TUT7: variants seen among roughly 807,000 people sequenced by gnomAD.
The protein encoded by TUT7 is terminal uridylyl transferase 7, also known as terminal uridylyltransferase 7.
Under a neutral mutation model 165.9 loss-of-function variants are expected in TUT7, and 33 were observed. That is an observed-to-expected ratio of 0.20 (90% CI 0.15 to 0.27). The LOEUF (loss-of-function observed/expected upper bound fraction) is 0.27. TUT7 is among the 10% of genes least tolerant of loss of function. The pLI is 1.00. For synonymous variants in TUT7, 552 were observed against 608.1 expected, an observed-to-expected ratio of 0.91 and a Z score of 1.36; for missense variants, 1,338 against 1,762.3, an observed-to-expected ratio of 0.76 and a Z score of 4.31.
intron 26 of TUT7, among the ~76,000 whole-genome samples, chr9:86,295,635 T>C (rs559193662): frequency 2.6e-5 from 4 of 152,188 alleles, no homozygotes; most frequent in Non-Finnish European, 5.9e-5. Context: ...TTTTAAAAAG[T>C]ATTTCTATTA....
chr9:86,312,903 T>C (rs1015005179), intron 17 of TUT7, among the ~76,000 whole-genome samples: 4 of 152,066 alleles, frequency 2.6e-5, no homozygotes, highest in African/African-American at 7.2e-5. Flanking sequence ...AAACAGATGC[T>C]TGAAGGCAGC....
chr9:86,305,065 G>T, intron 23 of TUT7, 118 bp from the exon 24 acceptor site: 2 of 1,177,394 alleles, frequency 1.7e-6, no homozygotes, highest in Non-Finnish European at 2.4e-6. Context: ...GGAGGCTGGG[G>T]TAGGTGGATC....
In TUT7 at chr9:86,323,575, G is replaced by C. The variant is rs1178667021; in HGVS notation, c.2175C>G (p.Asp725Glu). 9.3e-6 allele frequency: 15 copies of C among 1,614,190 alleles called. No individual in the cohort carries two copies. The highest frequency in any genetic ancestry group is 1.3e-5 in the Non-Finnish European group (15 of 1,180,034). ...CAGAGTTAACATCTGCTTGGATACA[G>C]TCTGAGTTTTCAGGGTGGACACTGA... ...EHISVHPENS[D>E]CIQADVNSDD... The change falls in exon 13 of 27, where the codon GAC becomes GAG. Residue 725 changes from aspartate to glutamate, a missense_variant. Transcript: ENST00000375963.
At chr9:86,316,543 A>G (rs1195691212) in intron 17 of TUT7, among the ~76,000 whole-genome samples, 1 of 152,242 alleles carries the variant, frequency 6.6e-6, no homozygotes, top group Non-Finnish European at 1.5e-5. Context: ...GCTTTCCTTG[A>G]CACTTCACAC....
At chr9:86,332,601 C>A (rs772906102) in intron 10 of TUT7, among the ~76,000 whole-genome samples, 1 of 152,074 alleles carries the variant, frequency 6.6e-6, no homozygotes, top group African/African-American at 2.4e-5. Flanking sequence ...TTGGGTACTA[C>A]GCTTAGTACC....
At chr9:86,325,195 TCTAA>T (rs147906740) in intron 12 of TUT7, 135 bp downstream of exon 12, 9,264 of 757,222 alleles carry the variant, frequency 0.012, 82 homozygotes, top group Non-Finnish European at 0.016. Context: ...CATGCAAGAT[TCTAA>T]CTATTTATTT....
intron 16 of TUT7, 71 bp downstream of exon 16, chr9:86,318,887 G>T: frequency 3.2e-6 from 4 of 1,231,154 alleles, no homozygotes; most frequent in Non-Finnish European, 4.7e-6. Flanking sequence ...AAAATACCAA[G>T]CTGTAATGCC....
rs750438382 is a variant in TUT7 at position 86,325,316 on chromosome 9, A to G, written c.1789+18T>C. ...AAAAAAAAGAGTGGGGGGGAATAAG[A>G]TAAACATTTTGAGATACCTTCAATG... On this transcript the variant is annotated intron_variant, in intron 12 of 26. Coordinates refer to ENST00000375963, the MANE Select transcript of TUT7 (RefSeq NM_024617.4). The G allele has an allele frequency of 6.2e-7, 1 of 1,610,656 alleles. No individual in the cohort carries two copies. The highest frequency in any genetic ancestry group is 8.5e-7 in the Non-Finnish European group (1 of 1,177,594).
In TUT7 at chr9:86,337,523, G is replaced by A. The variant is rs377283750; in HGVS notation, c.1351C>T (p.Arg451Cys). The A allele has an allele frequency of 1.4e-5, 23 of 1,609,400 alleles. No homozygotes were observed. The highest frequency in any genetic ancestry group is 4.0e-5 in the African/African-American group (3 of 74,658). ...RYWAKLCSID[R>C]PEEGGLPPYV... ...GGTGGCAGACCTCCTTCTTCAGGGC[G>A]ATCTATACTGCAAAGCTACAAACAA... Residue 451 changes from arginine to cysteine, a missense_variant, in exon 10 of 27, where the codon CGC becomes TGC. By Grantham distance (180) the Arg-to-Cys change is radical (BLOSUM62 -3). Around this residue, in one of 7 missense-constraint regions of TUT7, gnomAD observed 74 missense variants for 128.5 expected, o/e 0.58. Coordinates refer to ENST00000375963, the MANE Select transcript of TUT7 (RefSeq NM_024617.4).
In TUT7 at chr9:86,308,566, A is replaced by G. The variant is rs562452720; in HGVS notation, c.3701T>C (p.Val1234Ala). 7 of 1,613,780 alleles carry G rather than the reference A, an allele frequency of 4.3e-6. No homozygotes were observed. The highest frequency in any genetic ancestry group is 2.2e-5 in the East Asian group (1 of 44,848). Residue 1234 changes from valine to alanine, a missense_variant, in exon 22 of 27, where the codon GTT becomes GCT. By Grantham distance (64) the Val-to-Ala change is moderately conservative. Transcript: ENST00000375963. ...WSECGKNTES[V>A]GQLWLGLLRF... ...AAGAAGGCCCAACCATAACTGCCCAACAGATTCTGTATTTTTTCCACATTC... is the reference window on the plus strand; with the variant it reads ...AAGAAGGCCCAACCATAACTGCCCAGCAGATTCTGTATTTTTTCCACATTC...
rs778287827 is a variant in TUT7 at position 86,353,014 on chromosome 9, C to T, written c.186G>A (p.Gly62=). 223 of 1,614,034 alleles carry T rather than the reference C, an allele frequency of 1.4e-4. 5 individuals carry two copies. The South Asian group carries it at 2.4e-3, about 17-fold the overall frequency. The change falls in exon 2 of 27, where the codon GGG becomes GGA. Residue 62 remains glycine, a synonymous_variant. Coordinates refer to ENST00000375963, the MANE Select transcript of TUT7 (RefSeq NM_024617.4). ...CACATGGTCCTTTTCTGGGGGTATT[C>T]CCATAGTTCCCTGGTGTTATCTTCT... The part of the protein sequence containing the change: ...QKKKITPGNY[G]NTPRKGPCAV...
At chr9:86,310,876 A>G in intron 17 of TUT7, 67 bp from the exon 18 acceptor site, 1 of 889,926 alleles carries the variant, frequency 1.1e-6, no homozygotes, top group Non-Finnish European at 1.9e-6. Context: ...TCTTATGTTA[A>G]TGTTCCAATA....
intron 10 of TUT7, chr9:86,336,978 G>C (rs916380787): frequency 6.5e-6 from 1 of 153,926 alleles, no homozygotes; most frequent in Non-Finnish European, 1.4e-5. Context: ...ATATTTTTTT[G>C]TTTTACAGGT....
intron 2 of TUT7, among the ~76,000 whole-genome samples, chr9:86,350,695 C>G (rs1832203064): frequency 6.6e-6 from 1 of 152,252 alleles, no homozygotes; most frequent in South Asian, 2.1e-4. Context: ...TATATTACAA[C>G]AGAGTACTGC....
At chr9:86,341,145 C>G (rs532989413) in intron 6 of TUT7, 92 bp from the exon 7 acceptor site, 13 of 1,047,786 alleles carry the variant, frequency 1.2e-5, no homozygotes, top group Non-Finnish European at 1.9e-5. Flanking sequence ...AAATTCCTTT[C>G]TAAATGAGAA....
intron 26 of TUT7, among the ~76,000 whole-genome samples, chr9:86,292,413 G>A (rs770236978): frequency 6.6e-6 from 1 of 151,380 alleles, no homozygotes; most frequent in African/African-American, 2.4e-5. Context: ...AGGCTGCAGT[G>A]AGCAGAGATC....
At chr9:86,330,133 C>T (rs1830178678) in intron 10 of TUT7, among the ~76,000 whole-genome samples, 2 of 152,190 alleles carry the variant, frequency 1.3e-5, no homozygotes, top group South Asian at 4.1e-4. Context: ...TCTCGGCTCA[C>T]TGCAACCTCT....
intron 25 of TUT7, chr9:86,301,965 T>A: frequency 1.8e-6 from 1 of 567,370 alleles, no homozygotes; most frequent in Non-Finnish European, 2.2e-6. Context: ...TTTCTTTACT[T>A]GGCACTGGAA....
At chr9:86,348,968 G>A (rs191553107) in intron 2 of TUT7, among the ~76,000 whole-genome samples, 29 of 152,138 alleles carry the variant, frequency 1.9e-4, no homozygotes, top group Admixed American at 5.9e-4. Context: ...CTCTTGGAGG[G>A]TAAAGCTAGG....
Sources: allele counts gnomAD v4.1 joint callset (sites outside exome capture counted in the v4.1 genomes callset), GRCh38; gene constraint gnomAD v4.1.1; regional missense constraint gnomAD v4.1.1; transcripts MANE v1.5; gene names NCBI Gene and HGNC (gene_info 2026-07-23, HGNC 2026-07-21).